ESRRG: variants seen among roughly 807,000 people sequenced by gnomAD.
The protein encoded by ESRRG is estrogen-related receptor gamma.
A neutral mutation model predicts 44.0 loss-of-function variants in ESRRG; 13 were observed. The ratio of observed to expected loss-of-function variants is 0.30; its 90% CI spans 0.19 to 0.47. The LOEUF is 0.47. Among genes scored for constraint, ESRRG ranks in the 20% least tolerant of loss-of-function variants. The pLI, the probability that ESRRG is intolerant of heterozygous loss-of-function variation, is 1.00. For synonymous variants in ESRRG, 215 were observed against 214.6 expected (o/e 1.00, Z -0.02); for missense variants, 395 against 580.6 (o/e 0.68, Z 3.29).
intron 1 of ESRRG, among the ~76,000 whole-genome samples, chr1:216,991,646 TGGGATGGG>T (rs2075729666): frequency 2.9e-5 from 2 of 70,116 alleles, no homozygotes; most frequent in Non-Finnish European, 5.6e-5. Context: ...TGGGATGGGA[TGGGATGGG>T]ATGGGATGGG....
intron 1 of ESRRG, among the ~76,000 whole-genome samples, chr1:216,945,480 T>C (rs1235440028): frequency 6.6e-6 from 1 of 152,210 alleles, no homozygotes; most frequent in South Asian, 2.1e-4. Context: ...CTGACTCTTT[T>C]AGAAATGGTT....
intron 1 of ESRRG, among the ~76,000 whole-genome samples, chr1:216,690,353 C>T (rs937460913): frequency 3.3e-5 from 5 of 151,882 alleles, no homozygotes; most frequent in Non-Finnish European, 7.4e-5. Flanking sequence ...AATGACATGG[C>T]TAGATCTTAA....
At chr1:216,580,172 T>G (rs1354391291) in intron 3 of ESRRG, among the ~76,000 whole-genome samples, 1 of 152,178 alleles carries the variant, frequency 6.6e-6, no homozygotes. Flanking sequence ...AAATACTGAG[T>G]AAGTGAATAA....
At chr1:216,848,593 A>G (rs1196427626) in intron 2 of ESRRG, among the ~76,000 whole-genome samples, 3 of 152,116 alleles carry the variant, frequency 2.0e-5, no homozygotes, top group African/African-American at 7.2e-5. Flanking sequence ...GCATGTTGCT[A>G]TGGTATGCTT....
At chr1:216,687,051 G>C (rs200126452) in intron 1 of ESRRG, among the ~76,000 whole-genome samples, 36 of 134,870 alleles carry the variant, frequency 2.7e-4, no homozygotes, top group Non-Finnish European at 2.8e-4. Flanking sequence ...GTGTGTCTGT[G>C]TGTGTGTGTG....
chr1:216,850,510 T>C (rs2095825287), intron 2 of ESRRG, among the ~76,000 whole-genome samples: 2 of 152,100 alleles, frequency 1.3e-5, no homozygotes, highest in Admixed American at 6.6e-5. Flanking sequence ...AGTTGCACCA[T>C]GTCTGGAAAC....
intron 1 of ESRRG, among the ~76,000 whole-genome samples, chr1:216,948,937 C>T (rs181043016): frequency 4.3e-4 from 66 of 152,248 alleles, no homozygotes; most frequent in Admixed American, 4.2e-3. Flanking sequence ...AAAACAAGAA[C>T]ATAAGCTTAG....
chr1:216,630,447 C>A (rs1339801415), intron 3 of ESRRG, among the ~76,000 whole-genome samples: 1 of 76,262 alleles, frequency 1.3e-5, no homozygotes, highest in South Asian at 3.1e-4. Context: ...TGCGTGTGAA[C>A]ACACACACAC....
At chr1:217,093,511 G>T (rs1032269857), upstream of ESRRG, among the ~76,000 whole-genome samples, 1 of 151,910 alleles carries the variant, frequency 6.6e-6, no homozygotes, top group Non-Finnish European at 1.5e-5. Context: ...TACGGTTTCC[G>T]GTGGCTCACA....
intron 1 of ESRRG, among the ~76,000 whole-genome samples, chr1:217,106,450 C>A (rs567678406): frequency 1.3e-5 from 2 of 151,398 alleles, no homozygotes; most frequent in Admixed American, 1.3e-4. Context: ...ATTTTTTAAG[C>A]GATTCTATGA....
chr1:216,569,111 A>AGGAAGGAAGGAAGGAG (rs1553355981), intron 3 of ESRRG, among the ~76,000 whole-genome samples: 2 of 104,362 alleles, frequency 1.9e-5, no homozygotes, highest in African/African-American at 3.5e-5. Flanking sequence ...GAAGGAAGGA[A>AGGAAGGAAGGAAGGAG]GAAGGAAGGA....
chr1:217,122,971 C>T lies in ESRRG; in HGVS notation c.-230+14696G>A, dbSNP rs192279215. Among the ~76,000 whole-genome samples the T allele has an allele frequency of 1.7e-3, 262 of 152,122 alleles. 1 individual carries two copies. Among genetic ancestry groups the T allele is most frequent in the African/African-American group, 6.1e-3 (251 of 41,470 alleles). ...CCTCCCAAAGTGCTGAGATTATAGGCGTGAGCCACCGCGCCCAGCCAGCAC... is the reference window on the plus strand; with the variant it reads ...CCTCCCAAAGTGCTGAGATTATAGGTGTGAGCCACCGCGCCCAGCCAGCAC... On this transcript the variant is annotated intron_variant, in intron 1 of 8. Transcript: ENST00000366940.
intron 2 of ESRRG, among the ~76,000 whole-genome samples, chr1:216,740,166 G>T (rs1444734704): frequency 6.6e-6 from 1 of 152,134 alleles, no homozygotes; most frequent in Non-Finnish European, 1.5e-5. Flanking sequence ...CCAATTTTGT[G>T]ACATGAAGTC....
At chr1:216,549,797 T>A (rs1572776290) in intron 5 of ESRRG, among the ~76,000 whole-genome samples, 1 of 152,180 alleles carries the variant, frequency 6.6e-6, no homozygotes, top group African/African-American at 2.4e-5. Flanking sequence ...AACCATTCCA[T>A]CCAAATACAT....
At chr1:216,522,938 C>T (rs1208110911) in intron 5 of ESRRG, among the ~76,000 whole-genome samples, 1 of 152,126 alleles carries the variant, frequency 6.6e-6, no homozygotes, top group Non-Finnish European at 1.5e-5. Flanking sequence ...AGTTAGAGGT[C>T]TTCATCATCT....
At chr1:216,852,732 T>C (rs960523164) in intron 2 of ESRRG, among the ~76,000 whole-genome samples, 1 of 152,130 alleles carries the variant, frequency 6.6e-6, no homozygotes, top group Admixed American at 6.6e-5. Flanking sequence ...CAGATTAAGG[T>C]ATTGAAGCCC....
intron 1 of ESRRG, among the ~76,000 whole-genome samples, chr1:217,073,122 C>T (rs976944071): frequency 2.1e-5 from 3 of 139,696 alleles, no homozygotes; most frequent in East Asian, 2.1e-4. Context: ...TGTCTCTGCC[C>T]GAATAGTACC....
intron 2 of ESRRG, among the ~76,000 whole-genome samples, chr1:216,842,064 TA>T (rs1352780135): frequency 3.3e-5 from 5 of 152,146 alleles, no homozygotes. Flanking sequence ...TTGGTAAAAG[TA>T]AGGCCAGAAG....
intron 1 of ESRRG, among the ~76,000 whole-genome samples, chr1:217,060,980 A>G (rs1558153473): frequency 1.5e-5 from 1 of 67,678 alleles, no homozygotes; most frequent in Non-Finnish European, 3.4e-5. Flanking sequence ...TCAAACTTTC[A>G]TGGGTAGTCT....
Sources: gnomAD v4.1 joint callset for allele counts (sites outside exome capture counted in the v4.1 genomes callset) on GRCh38, gnomAD v4.1.1 for gene constraint, MANE v1.5 for transcripts, NCBI Gene and HGNC (gene_info 2026-07-23, HGNC 2026-07-21) for gene names.